Variants in PBX3 observed in about 807,000 individuals in gnomAD.
The protein encoded by PBX3 is pre-B-cell leukemia transcription factor 3.
A neutral mutation model predicts 48.5 loss-of-function variants in PBX3; 14 were observed. The observed-to-expected ratio is 0.29, with a 90% CI of 0.19 to 0.45. The LOEUF (loss-of-function observed/expected upper bound fraction) is 0.45. Ranked by LOEUF, PBX3 falls within the 20% of genes least tolerant of loss-of-function variation. The probability of loss-of-function intolerance (pLI) is 1.00; values close to 1 mark genes in which losing one functional copy is unlikely to be tolerated. For synonymous variants in PBX3, 210 were observed against 200.3 expected, an observed-to-expected ratio of 1.05 and a Z score of -0.41; for missense variants, 386 against 546.7, an observed-to-expected ratio of 0.71 and a Z score of 2.93.
chr9:125,957,681 A>G (rs1162247442), intron 5 of PBX3, among the ~76,000 whole-genome samples: 1 of 152,222 alleles, frequency 6.6e-6, no homozygotes, highest in Non-Finnish European at 1.5e-5. Flanking sequence ...GGTAATATTA[A>G]CTACAAAGTA....
chr9:125,808,122 A>G (rs907314113), intron 2 of PBX3, among the ~76,000 whole-genome samples: 1 of 152,222 alleles, frequency 6.6e-6, no homozygotes, highest in Non-Finnish European at 1.5e-5. Flanking sequence ...GGATGGTGGT[A>G]AAAATCACTA....
intron 2 of PBX3, among the ~76,000 whole-genome samples, chr9:125,909,729 T>G (rs1251711182): frequency 2.6e-5 from 4 of 152,130 alleles, no homozygotes; most frequent in African/African-American, 9.7e-5. Context: ...GAAATGCCTT[T>G]AAATGGTTTT....
intron 2 of PBX3, among the ~76,000 whole-genome samples, chr9:125,863,611 G>GTA (rs1490438204): frequency 6.6e-6 from 1 of 152,154 alleles, no homozygotes; most frequent in Non-Finnish European, 1.5e-5. Context: ...GTACCCTAGT[G>GTA]TAATTGACAG....
chr9:125,800,217 A>T (rs576610235), intron 2 of PBX3, among the ~76,000 whole-genome samples: 2 of 152,200 alleles, frequency 1.3e-5, no homozygotes, highest in Non-Finnish European at 2.9e-5. Context: ...TACTGAAAAG[A>T]TAAGTAAGGG....
intron 5 of PBX3, 78 bp from the exon 6 acceptor site, chr9:125,960,606 G>T: frequency 7.7e-7 from 1 of 1,290,566 alleles, no homozygotes; most frequent in Non-Finnish European, 1.1e-6. Context: ...GTATTGCCTT[G>T]GTGTCCAGCA....
At chr9:125,956,362 AT>A (rs1243793459) in intron 5 of PBX3, among the ~76,000 whole-genome samples, 63 of 152,368 alleles carry the variant, frequency 4.1e-4, no homozygotes, top group African/African-American at 1.5e-3. Context: ...TAAGGAGATA[AT>A]GAGTAAAAGC....
At chr9:125,955,803 T>C (rs377726554) in intron 5 of PBX3, among the ~76,000 whole-genome samples, 1 of 152,188 alleles carries the variant, frequency 6.6e-6, no homozygotes, top group African/African-American at 2.4e-5. Flanking sequence ...ATCTTGCAAG[T>C]TTTGCTAATT....
chr9:125,906,207 C>A (rs557486326), intron 2 of PBX3, among the ~76,000 whole-genome samples: 1 of 152,034 alleles, frequency 6.6e-6, no homozygotes, highest in African/African-American at 2.4e-5. Context: ...CTTCACAAAG[C>A]CTTTTCAATA....
chr9:125,942,791 A>G (rs1841983696), intron 5 of PBX3, among the ~76,000 whole-genome samples: 1 of 152,222 alleles, frequency 6.6e-6, no homozygotes, highest in Non-Finnish European at 1.5e-5. Flanking sequence ...GTGGGACATC[A>G]TTAAACAGTG....
At chr9:125,886,927 T>C (rs1332512243) in intron 2 of PBX3, among the ~76,000 whole-genome samples, 1 of 152,192 alleles carries the variant, frequency 6.6e-6, no homozygotes, top group Non-Finnish European at 1.5e-5. Context: ...ATTTAGATTT[T>C]CACTATACAG....
intron 2 of PBX3, among the ~76,000 whole-genome samples, chr9:125,825,605 A>G (rs1838786349): frequency 1.3e-5 from 2 of 151,906 alleles, no homozygotes; most frequent in South Asian, 4.1e-4. Context: ...TTCATTGTAT[A>G]CTCATGAACA....
chr9:125,897,145 T>TC lies in PBX3; in HGVS notation c.275-18541_275-18540insC, dbSNP rs1187547138. Among the ~76,000 whole-genome samples, 716 of 145,650 alleles carry TC rather than the reference T, an allele frequency of 4.9e-3. 5 individuals are homozygous for TC. The highest frequency in any genetic ancestry group is 8.2e-3 in the Admixed American group (118 of 14,426). On this transcript the variant is annotated intron_variant, in intron 2 of 8. Coordinates refer to ENST00000373489, the MANE Select transcript of PBX3 (RefSeq NM_006195.6). ...TGGGCTTTATATTCATTTGTGGTTT[T>TC]TTTTTTTTTTTTTTTTTCCTGTGCA...
intron 2 of PBX3, among the ~76,000 whole-genome samples, chr9:125,756,360 A>G (rs967053431): frequency 2.6e-5 from 4 of 152,196 alleles, no homozygotes; most frequent in African/African-American, 7.2e-5. Context: ...GGAGAAATAC[A>G]TGAATGAATA....
chr9:125,882,682 G>C lies in PBX3; in HGVS notation c.275-33004G>C, dbSNP rs891603290. On this transcript the variant is annotated intron_variant, in intron 2 of 8. Coordinates refer to ENST00000373489, the MANE Select transcript of PBX3 (RefSeq NM_006195.6). ...TGTTGTAAATACATGTTGTCAATTG[G>C]ATATTAGATGGTAGAAGTTATATAT... Among the ~76,000 whole-genome samples, 8 of 152,272 alleles carry C rather than the reference G, an allele frequency of 5.3e-5. No homozygotes were observed. The East Asian group carries it at 1.5e-3, about 29-fold the overall frequency.
At chr9:125,960,583 T>C in intron 5 of PBX3, 101 bp from the exon 6 acceptor site, 1 of 989,434 alleles carries the variant, frequency 1.0e-6, no homozygotes. Context: ...CTAGGAATTG[T>C]GTGTCTCCCA....
intron 2 of PBX3, among the ~76,000 whole-genome samples, chr9:125,794,189 T>C (rs1258965004): frequency 3.9e-5 from 6 of 152,176 alleles, no homozygotes; most frequent in African/African-American, 1.4e-4. Flanking sequence ...AAAAAACATA[T>C]TTTCTGCTTC....
intron 2 of PBX3, among the ~76,000 whole-genome samples, chr9:125,757,575 C>G (rs1836553651): frequency 6.6e-6 from 1 of 151,956 alleles, no homozygotes; most frequent in Non-Finnish European, 1.5e-5. Flanking sequence ...TTTTATTTTT[C>G]TTTTACACTG....
intron 2 of PBX3, among the ~76,000 whole-genome samples, chr9:125,843,966 C>G (rs1259081054): frequency 6.6e-6 from 1 of 151,850 alleles, no homozygotes; most frequent in Non-Finnish European, 1.5e-5. Context: ...GATGAAAGAT[C>G]AGAGAGCAGC....
At chr9:125,963,152 G>A (rs1842466888) in intron 8 of PBX3, 51 bp downstream of exon 8, 1 of 966,060 alleles carries the variant, frequency 1.0e-6, no homozygotes, top group Admixed American at 2.2e-5. Context: ...GGTAAACAGT[G>A]ACTAATAAAG....
Sources: gnomAD v4.1 joint callset for allele counts (sites outside exome capture counted in the v4.1 genomes callset) on GRCh38, gnomAD v4.1.1 for gene constraint, MANE v1.5 for transcripts, NCBI Gene and HGNC (gene_info 2026-07-23, HGNC 2026-07-21) for gene names.